The following GREB1 variants were observed in gnomAD, a reference collection of about 807,000 sequenced individuals.
GREB1 encodes protein GREB1.
GREB1 carries 106 observed loss-of-function variants against 200.7 expected under a neutral mutation model. The observed-to-expected ratio is 0.53, with a 90% CI of 0.45 to 0.62. GREB1 has a LOEUF of 0.62. Among genes scored for constraint, GREB1 ranks in the 20% least tolerant of loss-of-function variants. The pLI is 0.00. For missense variants in GREB1, 2,243 were observed against 2,556.8 expected, an observed-to-expected ratio of 0.88 and a Z score of 2.65; for synonymous variants, 1,132 against 1,092.4, an observed-to-expected ratio of 1.04 and a Z score of -0.72.
At chr2:11,596,736 T>G (rs1394024844) in intron 13 of GREB1, among the ~76,000 whole-genome samples, 1 of 60,608 alleles carries the variant, frequency 1.6e-5, no homozygotes, top group Non-Finnish European at 3.1e-5. Context: ...CACTGGTTTG[T>G]ACAGTGAGAG....
chr2:11,506,368 G>A (rs1673182979), intron 1 of GREB1, among the ~76,000 whole-genome samples: 1 of 152,174 alleles, frequency 6.6e-6, no homozygotes, highest in Admixed American at 6.5e-5. Context: ...GGGAACCAGT[G>A]ACACCTTTTC....
At chr2:11,543,575 T>C (rs1329214393) in intron 1 of GREB1, among the ~76,000 whole-genome samples, 1 of 152,216 alleles carries the variant, frequency 6.6e-6, no homozygotes, top group Non-Finnish European at 1.5e-5. Flanking sequence ...CTGGTGGTCT[T>C]ATTGAAAAGT....
intron 24 of GREB1, 70 bp downstream of exon 24, chr2:11,625,382 A>G (rs942693629): frequency 2.0e-6 from 3 of 1,468,282 alleles, no homozygotes; most frequent in Admixed American, 1.7e-5. Context: ...GATGAGCTGG[A>G]TTTTGTTAGG....
In GREB1 at chr2:11,638,773, G is replaced by A. The variant is rs1461042051; in HGVS notation, c.5650G>A (p.Gly1884Arg). 1 of 1,614,020 alleles carries A rather than the reference G, an allele frequency of 6.2e-7. No homozygotes were observed. Among genetic ancestry groups the A allele is most frequent in the African/African-American group, 1.3e-5 (1 of 74,910 alleles). Residue 1884 changes from glycine to arginine, a missense_variant, in exon 32 of 33, where the codon GGA (glycine) becomes AGA (arginine). Physicochemically the swap from Gly to Arg is moderately radical, Grantham distance 125. Transcript: ENST00000381486. ...LLLYLCDSFVGASFLKKFHFL... is the reference protein window; with the variant it reads ...LLLYLCDSFVRASFLKKFHFL... Reference sequence around the variant, plus strand: ...GCTGTACCTCTGTGACTCTTTTGTGGGAGCTAGCTTTTTGAAAAAGTTTCA... The same window carrying A: ...GCTGTACCTCTGTGACTCTTTTGTGAGAGCTAGCTTTTTGAAAAAGTTTCA...
In GREB1 at chr2:11,610,910, CTA is replaced by C; in HGVS notation, c.2891_2892del (p.Tyr964Ter). ...VPCSPLAVVA[Y>X]ERLAHVRARL... ...CCTGTTCGCCCCTGGCGGTGGTGGC[CTA>C]TGAGCGGCTGGCCCACGTGCGGGCC... is the stretch of plus-strand genomic sequence containing the variant. On this transcript the variant is annotated frameshift_variant, in exon 18 of 33. Coordinates refer to ENST00000381486, the MANE Select transcript of GREB1 (RefSeq NM_014668.4). LOFTEE classifies it high-confidence loss of function. 1 of 1,612,796 alleles carries C rather than the reference CTA, an allele frequency of 6.2e-7. No individual in the cohort carries two copies. Among genetic ancestry groups the C allele is most frequent in the Non-Finnish European group, 8.5e-7 (1 of 1,179,694 alleles).
In GREB1 at chr2:11,578,294, T is replaced by C; in HGVS notation, c.638-3T>C. On this transcript the variant is annotated splice_polypyrimidine_tract_variant and splice_region_variant and intron_variant, in intron 5 of 32. Transcript: ENST00000381486. ...TTTTCACGTGTGCACCTTGCCCCCT[T>C]AGAGTTTAGAAGCCGGCAGATCCCC... The C allele has an allele frequency of 1.2e-6, 2 of 1,611,722 alleles. No homozygotes were observed. The highest frequency in any genetic ancestry group is 8.5e-7 in the Non-Finnish European group (1 of 1,178,138).
At chr2:11,594,067 G>C (rs1680988387) in intron 11 of GREB1, among the ~76,000 whole-genome samples, 1 of 152,154 alleles carries the variant, frequency 6.6e-6, no homozygotes, top group African/African-American at 2.4e-5. Context: ...GCAGTGGCGA[G>C]ATCTTGGCTC....
At chr2:11,512,692 C>T (rs1673385624) in intron 1 of GREB1, among the ~76,000 whole-genome samples, 1 of 152,196 alleles carries the variant, frequency 6.6e-6, no homozygotes, top group South Asian at 2.1e-4. Context: ...ACCACCAAGC[C>T]TCACTTTCCC....
intron 1 of GREB1, among the ~76,000 whole-genome samples, chr2:11,489,143 AG>A: frequency 6.6e-6 from 1 of 152,154 alleles, no homozygotes. Context: ...GAACAATTAG[AG>A]AACAATTAAG....
chr2:11,629,936 C>G lies in GREB1; in HGVS notation c.4450-12C>G, dbSNP rs754698151. On this transcript the variant is annotated splice_polypyrimidine_tract_variant and intron_variant, in intron 25 of 32. Transcript: ENST00000381486. The surrounding 1 kb of genome is among the most constrained non-coding windows in gnomAD (Gnocchi z 5.2). ...TCTGACGGCAAGCTCTGTCCTTTCC[C>G]CCACACCCCAGCTGTATGAGTCCAC... The G allele has an allele frequency of 6.2e-7, 1 of 1,613,264 alleles. No homozygotes were observed. Among genetic ancestry groups the G allele is most frequent in the South Asian group, 1.1e-5 (1 of 90,934 alleles).
At chr2:11,539,336 C>A (rs566021984) in intron 1 of GREB1, among the ~76,000 whole-genome samples, 1 of 152,238 alleles carries the variant, frequency 6.6e-6, no homozygotes, top group Non-Finnish European at 1.5e-5. Flanking sequence ...CAGGTGTGAA[C>A]CATTGTGCCC....
Position 11,640,455 on chromosome 2 carries a change from G to T in GREB1, c.*1G>T, listed in dbSNP as rs1380662734. ...TTTTCTGACGGGACGACACATCTGA[G>T]GAAGACAGCGGCGAGTTTTCTGAAG... is the stretch of plus-strand genomic sequence containing the variant. On this transcript the variant is annotated 3_prime_UTR_variant, in exon 33 of 33. Transcript: ENST00000381486. The surrounding 1 kb of genome is among the most constrained non-coding windows in gnomAD (Gnocchi z 4.6). 1.9e-6 allele frequency: 3 copies of T among 1,614,050 alleles called. No homozygotes were observed. The highest frequency in any genetic ancestry group is 4.5e-5 in the East Asian group (2 of 44,878).
intron 1 of GREB1, among the ~76,000 whole-genome samples, chr2:11,535,054 T>G (rs778056153): frequency 3.9e-5 from 6 of 152,182 alleles, no homozygotes; most frequent in Non-Finnish European, 8.8e-5. Flanking sequence ...TTCGGTATTT[T>G]TTGCCTGGGG....
In GREB1 at chr2:11,615,281, G is replaced by C; in HGVS notation, c.3313G>C (p.Gly1105Arg). Residue 1105 changes from glycine (G) to arginine (R), a missense_variant, in exon 20 of 33, where the codon GGG becomes CGG. Physicochemically the swap from Gly to Arg is moderately radical, Grantham distance 125 (BLOSUM62 -2). Coordinates refer to ENST00000381486, the MANE Select transcript of GREB1 (RefSeq NM_014668.4). The part of the protein sequence containing the change: ...SSTDNEDEEL[G>R]TEGSTSEKRS... ...CACAGACAACGAGGATGAGGAGCTG[G>C]GGACAGAAGGTGAGGGATGGCTGCC... The C allele has an allele frequency of 6.3e-7, 1 of 1,584,982 alleles. No individual in the cohort carries two copies.
At chr2:11,603,961 G>T (rs1045464109) in intron 17 of GREB1, among the ~76,000 whole-genome samples, 20 of 152,222 alleles carry the variant, frequency 1.3e-4, no homozygotes, top group African/African-American at 4.8e-4. Flanking sequence ...AGAGTCACAT[G>T]GGGGGTTTAT....
At chr2:11,559,817 T>G (rs1043186876) in intron 2 of GREB1, among the ~76,000 whole-genome samples, 10 of 152,110 alleles carry the variant, frequency 6.6e-5, no homozygotes, top group Non-Finnish European at 1.0e-4. Flanking sequence ...GGCTCAAGAG[T>G]GTGTCTCCCT....
At chr2:11,585,011 A>G (rs1679929352) in intron 7 of GREB1, 150 bp from the exon 8 acceptor site, 1 of 496,370 alleles carries the variant, frequency 2.0e-6, no homozygotes, top group Non-Finnish European at 3.6e-6. Flanking sequence ...TTATGCATAG[A>G]TATTTCACTA....
intron 5 of GREB1, among the ~76,000 whole-genome samples, chr2:11,577,344 T>C (rs1293983977): frequency 6.6e-6 from 1 of 152,190 alleles, no homozygotes; most frequent in South Asian, 2.1e-4. Context: ...ATGTCACTGG[T>C]GCCAAGGCTG....
intron 4 of GREB1, among the ~76,000 whole-genome samples, chr2:11,575,819 C>T (rs1399900333): frequency 6.6e-6 from 1 of 152,210 alleles, no homozygotes; most frequent in African/African-American, 2.4e-5. Flanking sequence ...CGCATCATTT[C>T]AGGTGCCTGA....
Sources: gnomAD v4.1 joint callset for allele counts (sites outside exome capture counted in the v4.1 genomes callset) on GRCh38, gnomAD v4.1.1 for gene constraint, Gnocchi (gnomAD v3.1) non-coding constraint, MANE v1.5 for transcripts, NCBI Gene and HGNC (gene_info 2026-07-23, HGNC 2026-07-21) for gene names.